Variants in SEMA3C observed in about 807,000 individuals in gnomAD.
SEMA3C encodes semaphorin 3C, also known as semaphorin-3C.
In SEMA3C, 47 loss-of-function variants were observed where a neutral mutation model predicts 89.4. The ratio of observed to expected loss-of-function variants is 0.53; its 90% CI spans 0.42 to 0.67. The LOEUF is 0.67. Among genes scored for constraint, SEMA3C ranks in the 30% least tolerant of loss-of-function variants. The pLI is 0.00. For missense variants in SEMA3C, 839 were observed against 929.1 expected, an observed-to-expected ratio of 0.90 and a Z score of 1.26; for synonymous variants, 310 against 320.2, an observed-to-expected ratio of 0.97 and a Z score of 0.34.
At chr7:80,837,265 T>A (rs749496154) in intron 2 of SEMA3C, among the ~76,000 whole-genome samples, 4 of 152,196 alleles carry the variant, frequency 2.6e-5, no homozygotes, top group Non-Finnish European at 5.9e-5. Flanking sequence ...GAATGCTAAG[T>A]TTTCTGGGAT....
At chr7:80,797,585 T>C (rs1196811245) in intron 11 of SEMA3C, among the ~76,000 whole-genome samples, 1 of 152,224 alleles carries the variant, frequency 6.6e-6, no homozygotes, top group Non-Finnish European at 1.5e-5. Context: ...TGCTTACACA[T>C]ACATTTTCTT....
At chr7:80,768,469 G>C (rs1019172789) in intron 12 of SEMA3C, among the ~76,000 whole-genome samples, 1 of 150,876 alleles carries the variant, frequency 6.6e-6, no homozygotes, top group African/African-American at 2.4e-5. Flanking sequence ...AGCCAAGATC[G>C]CGCCACTGCA....
intron 2 of SEMA3C, among the ~76,000 whole-genome samples, chr7:80,875,719 A>G (rs1791184646): frequency 1.3e-5 from 2 of 151,980 alleles, no homozygotes; most frequent in South Asian, 4.2e-4. Flanking sequence ...CTGCAGAAGT[A>G]TCTCAGTGTT....
upstream of SEMA3C, chr7:80,919,118 G>GGCTCCGGCT: frequency 1.0e-6 from 1 of 984,856 alleles, no homozygotes; most frequent in African/African-American, 1.7e-5. Flanking sequence ...CGCGGCGCGC[G>GGCTCCGGCT]GCTCCGGCTG....
At chr7:80,869,441 G>A (rs958716478) in intron 2 of SEMA3C, among the ~76,000 whole-genome samples, 2 of 152,124 alleles carry the variant, frequency 1.3e-5, no homozygotes, top group Admixed American at 6.6e-5. Context: ...AACTCTCACA[G>A]AAGAAGTAAA....
intron 4 of SEMA3C, among the ~76,000 whole-genome samples, chr7:80,821,171 A>G (rs1181427639): frequency 1.3e-5 from 2 of 152,270 alleles, no homozygotes; most frequent in East Asian, 3.9e-4. Flanking sequence ...TTTGATTTTT[A>G]CCTTTATAGC....
At chr7:80,791,751 A>T (rs1475355484) in intron 11 of SEMA3C, among the ~76,000 whole-genome samples, 1 of 152,186 alleles carries the variant, frequency 6.6e-6, no homozygotes, top group Admixed American at 6.5e-5. Context: ...GAACAGCAAC[A>T]TGGGGGGCCA....
chr7:80,826,091 G>C (rs1430071351), intron 4 of SEMA3C, among the ~76,000 whole-genome samples: 1 of 152,060 alleles, frequency 6.6e-6, no homozygotes, highest in Non-Finnish European at 1.5e-5. Flanking sequence ...CTACCCTCCA[G>C]AGTCTTCCAT....
At chr7:80,768,637 C>T (rs1436261632) in intron 12 of SEMA3C, among the ~76,000 whole-genome samples, 1 of 152,074 alleles carries the variant, frequency 6.6e-6, no homozygotes, top group Admixed American at 6.6e-5. Context: ...AGAGACCTGT[C>T]ACAACTGAAA....
intron 2 of SEMA3C, among the ~76,000 whole-genome samples, chr7:80,841,095 T>C (rs1790257578): frequency 6.6e-6 from 1 of 152,066 alleles, no homozygotes; most frequent in Non-Finnish European, 1.5e-5. Context: ...AAGATCCAAA[T>C]TTCTTGACTG....
At chr7:80,903,670 T>A (rs552607514) in intron 2 of SEMA3C, among the ~76,000 whole-genome samples, 1 of 152,162 alleles carries the variant, frequency 6.6e-6, no homozygotes, top group African/African-American at 2.4e-5. Context: ...TCAAAAAAAT[T>A]AAAAATAAAT....
At chr7:80,829,876 T>C (rs1419239641) in intron 2 of SEMA3C, among the ~76,000 whole-genome samples, 1 of 152,230 alleles carries the variant, frequency 6.6e-6, no homozygotes, top group East Asian at 1.9e-4. Context: ...TGACAAACTC[T>C]AAGAAAGAGT....
At chr7:80,793,185 T>G (rs1286765151) in intron 11 of SEMA3C, among the ~76,000 whole-genome samples, 1 of 152,192 alleles carries the variant, frequency 6.6e-6, no homozygotes, top group East Asian at 1.9e-4. Flanking sequence ...TAAAGACATT[T>G]CAAGTGCTCT....
At chr7:80,752,778 C>T (rs1787966692) in intron 15 of SEMA3C, among the ~76,000 whole-genome samples, 2 of 152,054 alleles carry the variant, frequency 1.3e-5, no homozygotes. Context: ...AGCTGCAATC[C>T]TCTGAGCATC....
chr7:80,760,318 G>A (rs73370861), intron 14 of SEMA3C, among the ~76,000 whole-genome samples: 3,583 of 152,174 alleles, frequency 0.024, 146 homozygotes, highest in African/African-American at 0.081. Context: ...CACACAAATG[G>A]CTTTGTGTCC....
chr7:80,786,045 C>T (rs1233556934), intron 12 of SEMA3C, among the ~76,000 whole-genome samples: 1 of 152,210 alleles, frequency 6.6e-6, no homozygotes, highest in Non-Finnish European at 1.5e-5. Flanking sequence ...CAGTAAGATG[C>T]TGTTGGCAGG....
chr7:80,910,793 A>T (rs972324750), intron 2 of SEMA3C, among the ~76,000 whole-genome samples: 6 of 152,052 alleles, frequency 3.9e-5, no homozygotes, highest in Middle Eastern at 3.4e-3. Flanking sequence ...GAAAGAAAAA[A>T]TTGAGTGTGT....
At position 80,798,103 on chromosome 7, in the gene SEMA3C, G is replaced by A. The variant is rs1041856873; in HGVS notation, c.1120C>T (p.Arg374Cys). 5.0e-6 allele frequency: 8 copies of A among 1,600,420 alleles called. No homozygotes were observed. The highest frequency in any genetic ancestry group is 2.2e-5 in the East Asian group (1 of 44,446). Residue 374 changes from arginine to cysteine, a missense_variant, in exon 11 of 18, where the codon CGC becomes TGC. By Grantham distance (180) the Arg-to-Cys change is radical. Coordinates refer to ENST00000265361, the MANE Select transcript of SEMA3C (RefSeq NM_006379.5). ...CCCTGGATACTTACAGTTCCAGGGC[G>A]AGGATATGGAATTCTGCCCTGATAG... ...ISYQGRIPYPRPGTCPGGAFT... is the reference protein window; with the variant it reads ...ISYQGRIPYPCPGTCPGGAFT...
intron 2 of SEMA3C, among the ~76,000 whole-genome samples, chr7:80,904,608 T>C (rs752291978): frequency 6.6e-6 from 1 of 152,188 alleles, no homozygotes; most frequent in African/African-American, 2.4e-5. Flanking sequence ...TTAGTAACGA[T>C]TGCAGCCTGA....
Sources: gnomAD v4.1 joint callset for allele counts (sites outside exome capture counted in the v4.1 genomes callset) on GRCh38, gnomAD v4.1.1 for gene constraint, MANE v1.5 for transcripts, NCBI Gene and HGNC (gene_info 2026-07-23, HGNC 2026-07-21) for gene names.